The following RAB38 variants were observed in gnomAD, a reference collection of about 807,000 sequenced individuals.
RAB38 encodes RAB38, member RAS oncogene family.
Under a neutral mutation model 18.4 loss-of-function variants are expected in RAB38, and 15 were observed. The observed-to-expected ratio is 0.82, with a 90% CI of 0.55 to 1.26. The LOEUF (loss-of-function observed/expected upper bound fraction) is 1.26, where lower values mean the gene tolerates loss of function less well. RAB38 is among the 50% of genes most tolerant of loss of function. The pLI is 0.00. For missense variants in RAB38, 294 were observed against 267.4 expected, an observed-to-expected ratio of 1.10 and a Z score of -0.69; for synonymous variants, 101 against 104.4, an observed-to-expected ratio of 0.97 and a Z score of 0.20.
At chr11:87,931,909 G>A in the RAB38 span, among the ~76,000 whole-genome samples, 2 of 151,236 alleles carry the variant, frequency 1.3e-5, no homozygotes, top group East Asian at 3.9e-4. Context: ...GAGTAAAGGA[G>A]AAAGGAGGAT....
the RAB38 span, among the ~76,000 whole-genome samples, chr11:88,053,712 T>C: frequency 2.4e-4 from 37 of 151,718 alleles, no homozygotes; most frequent in Non-Finnish European, 8.8e-5. Flanking sequence ...ATCAAAAGCC[T>C]TGATACGCAG....
the RAB38 span, among the ~76,000 whole-genome samples, chr11:87,861,126 A>C: frequency 6.6e-6 from 1 of 151,930 alleles, no homozygotes. Context: ...ACAATATTGA[A>C]AATAAAGCCC....
the RAB38 span, among the ~76,000 whole-genome samples, chr11:87,936,620 C>T: frequency 1.3e-5 from 2 of 152,044 alleles, no homozygotes; most frequent in African/African-American, 4.8e-5. Flanking sequence ...GGATTCCTTC[C>T]ACTTTATTCT....
chr11:88,067,473 C>T, the RAB38 span, among the ~76,000 whole-genome samples: 3 of 151,862 alleles, frequency 2.0e-5, no homozygotes, highest in Admixed American at 6.6e-5. Flanking sequence ...TTCTAATAGA[C>T]CATCATGAGC....
chr11:87,883,977 G>A, the RAB38 span, among the ~76,000 whole-genome samples: 1 of 151,942 alleles, frequency 6.6e-6, no homozygotes, highest in African/African-American at 2.4e-5. Context: ...CACTGAGTGT[G>A]TGGTGATCGG....
chr11:88,126,324 G>C (rs897465184), intron 2 of RAB38, among the ~76,000 whole-genome samples: 2 of 152,126 alleles, frequency 1.3e-5, no homozygotes, highest in African/African-American at 4.8e-5. Context: ...TGATAGACTG[G>C]ATTAAGAAAA....
the RAB38 span, among the ~76,000 whole-genome samples, chr11:87,897,746 G>T: frequency 6.6e-6 from 1 of 151,630 alleles, no homozygotes; most frequent in Non-Finnish European, 1.5e-5. Flanking sequence ...TAAATGAGAT[G>T]AATAGTTTCC....
At chr11:87,941,523 C>G in the RAB38 span, among the ~76,000 whole-genome samples, 5 of 151,952 alleles carry the variant, frequency 3.3e-5, no homozygotes, top group Non-Finnish European at 5.9e-5. Context: ...CTACTTGATT[C>G]TCTTCCTCAT....
the RAB38 span, among the ~76,000 whole-genome samples, chr11:87,956,530 A>ATGTC: frequency 9.2e-5 from 14 of 151,748 alleles, no homozygotes; most frequent in Admixed American, 4.6e-4. Context: ...ATAGTAGGAG[A>ATGTC]TGTCTGTAGA....
chr11:87,944,428 C>G, the RAB38 span, among the ~76,000 whole-genome samples: 1 of 152,140 alleles, frequency 6.6e-6, no homozygotes, highest in Admixed American at 6.6e-5. Flanking sequence ...GTCATTGTCT[C>G]TTGTCCATGT....
chr11:88,025,569 T>C, the RAB38 span, among the ~76,000 whole-genome samples: 1 of 152,220 alleles, frequency 6.6e-6, no homozygotes, highest in African/African-American at 2.4e-5. Context: ...ATAATAGCCA[T>C]TCTGACTGGT....
the RAB38 span, among the ~76,000 whole-genome samples, chr11:87,867,719 C>T: frequency 6.6e-6 from 1 of 151,710 alleles, no homozygotes; most frequent in Non-Finnish European, 1.5e-5. Context: ...TTAACTAGTG[C>T]TTACCCTGTA....
At chr11:87,838,025 T>C in the RAB38 span, among the ~76,000 whole-genome samples, 10 of 152,220 alleles carry the variant, frequency 6.6e-5, no homozygotes, top group Non-Finnish European at 1.0e-4. Flanking sequence ...TACTCTTTCA[T>C]GTGTGAATGT....
the RAB38 span, among the ~76,000 whole-genome samples, chr11:87,857,198 A>G: frequency 6.6e-6 from 1 of 152,210 alleles, no homozygotes; most frequent in East Asian, 1.9e-4. Context: ...GGAACTCATC[A>G]TTTTTTATGG....
chr11:88,030,148 G>T, the RAB38 span, among the ~76,000 whole-genome samples: 2 of 152,142 alleles, frequency 1.3e-5, no homozygotes, highest in Non-Finnish European at 2.9e-5. Context: ...ATAACGAAAT[G>T]AAGGCAGAAA....
At chr11:88,168,870 C>T (rs1943275322) in intron 1 of RAB38, among the ~76,000 whole-genome samples, 1 of 152,152 alleles carries the variant, frequency 6.6e-6, no homozygotes, top group African/African-American at 2.4e-5. Context: ...TTCTCTATGA[C>T]TTGGATCTAT....
At chr11:87,856,181 C>T in the RAB38 span, among the ~76,000 whole-genome samples, 1 of 152,166 alleles carries the variant, frequency 6.6e-6, no homozygotes, top group Non-Finnish European at 1.5e-5. Flanking sequence ...CTGATCTTTA[C>T]AGATAAATTT....
chr11:87,914,284 T>C, the RAB38 span, among the ~76,000 whole-genome samples: 1 of 152,080 alleles, frequency 6.6e-6, no homozygotes, highest in African/African-American at 2.4e-5. Flanking sequence ...TTTGATAAAG[T>C]CTTAGGTAGA....
At chr11:87,975,896 G>T in the RAB38 span, among the ~76,000 whole-genome samples, 2 of 151,278 alleles carry the variant, frequency 1.3e-5, no homozygotes, top group African/African-American at 4.8e-5. Flanking sequence ...ATAACATAGG[G>T]TATCTCACTA....
Sources: allele counts gnomAD v4.1 joint callset (sites outside exome capture counted in the v4.1 genomes callset), GRCh38; gene constraint gnomAD v4.1.1; transcripts MANE v1.5; gene names NCBI Gene and HGNC (gene_info 2026-07-23, HGNC 2026-07-21).